EFCAB9: variants seen among roughly 807,000 people sequenced by gnomAD.
The protein encoded by EFCAB9 is EF-hand calcium binding domain 9.
EFCAB9 carries 16 observed loss-of-function variants against 15.6 expected under a neutral mutation model. The ratio of observed to expected loss-of-function variants is 1.03; its 90% confidence interval spans 0.69 to 1.56. The LOEUF (loss-of-function observed/expected upper bound fraction) is 1.56. Ranked by LOEUF, EFCAB9 falls within the 40% of genes most tolerant of loss-of-function variation. EFCAB9 has a pLI of 0.00. For synonymous variants in EFCAB9, 76 were observed against 85.4 expected (o/e 0.89, Z 0.61); for missense variants, 208 against 235.4 (o/e 0.88, Z 0.76).
chr5:172,199,460 G>C lies in EFCAB9; in HGVS notation c.214G>C (p.Asp72His), dbSNP rs1483713884. 5.9e-6 allele frequency: 9 copies of C among 1,537,306 alleles called. No individual in the cohort carries two copies. Among genetic ancestry groups the C allele is most frequent in the Non-Finnish European group, 7.8e-6 (9 of 1,146,924 alleles). Residue 72 changes from aspartate (D) to histidine (H), a missense_variant, in exon 2 of 4, where the codon GAC (aspartate) becomes CAC (histidine). Transcript: ENST00000398186. ...GATCAACATTGTGTTTGACATGCTGGACTGGAACGCTGTGGGCGAGATCGA... is the reference window on the plus strand; with the variant it reads ...GATCAACATTGTGTTTGACATGCTGCACTGGAACGCTGTGGGCGAGATCGA... ...AQINIVFDML[D>H]WNAVGEIDFE...
At chr5:172,195,830 C>G (rs58727917) in intron 1 of EFCAB9, among the ~76,000 whole-genome samples, 2 of 151,810 alleles carry the variant, frequency 1.3e-5, no homozygotes, top group African/African-American at 2.4e-5. Flanking sequence ...TTTATTGGGA[C>G]GGAGTCTCGC....
chr5:172,202,332 C>CAAAAA (rs10690291), intron 3 of EFCAB9, among the ~76,000 whole-genome samples: 4,789 of 72,826 alleles, frequency 0.066, 487 homozygotes, highest in East Asian at 0.18. Flanking sequence ...GACTTCATCT[C>CAAAAA]AAAAAAAAAA....
At position 172,200,672 on chromosome 5, in the gene EFCAB9, G is replaced by A. The variant is rs1447815356; in HGVS notation, c.392G>A (p.Arg131Lys). Residue 131 changes from arginine to lysine, a missense_variant, in exon 3 of 4, where the codon AGA becomes AAA. Physicochemically the swap from Arg to Lys is conservative, Grantham distance 26 (BLOSUM62 2). Transcript: ENST00000398186. ...RIGAKNFEMYRFLFNIQKQEL... is the reference protein window; with the variant it reads ...RIGAKNFEMYKFLFNIQKQEL... Reference sequence around the variant, plus strand: ...GGTGCAAAAAACTTCGAAATGTACAGATTTCTCTTCAATATTCAAAAACAG... The same window carrying A: ...GGTGCAAAAAACTTCGAAATGTACAAATTTCTCTTCAATATTCAAAAACAG... The A allele has an allele frequency of 3.9e-6, 6 of 1,537,324 alleles. No individual in the cohort carries two copies. In the East Asian group the frequency reaches 9.8e-5, roughly 25 times the overall value.
At chr5:172,195,349 T>C (rs928939328) in intron 1 of EFCAB9, among the ~76,000 whole-genome samples, 3 of 152,176 alleles carry the variant, frequency 2.0e-5, no homozygotes, top group African/African-American at 7.2e-5. Context: ...GAGAGAAATG[T>C]CATCCGTGAG....
At chr5:172,198,844 G>A (rs746540736) in intron 1 of EFCAB9, among the ~76,000 whole-genome samples, 5 of 152,322 alleles carry the variant, frequency 3.3e-5, no homozygotes, top group Admixed American at 6.5e-5. Flanking sequence ...TCAAACTCCT[G>A]ACCTCGTGAT....
intron 1 of EFCAB9, among the ~76,000 whole-genome samples, chr5:172,195,277 G>A (rs1263522464): frequency 6.6e-6 from 1 of 152,072 alleles, no homozygotes; most frequent in African/African-American, 2.4e-5. Context: ...AAACACTTGA[G>A]GTTATTTTTA....
intron 1 of EFCAB9, among the ~76,000 whole-genome samples, chr5:172,194,994 A>G (rs202189941): frequency 1.3e-5 from 2 of 152,140 alleles, no homozygotes; most frequent in East Asian, 1.9e-4. Context: ...TAAGGACTTA[A>G]TAAGTGTTTG....
intron 1 of EFCAB9, among the ~76,000 whole-genome samples, chr5:172,196,591 G>A (rs1771166842): frequency 6.6e-6 from 1 of 151,980 alleles, no homozygotes; most frequent in Admixed American, 6.6e-5. Context: ...GGTCAGGCTG[G>A]TCTTGAACTC....
intron 1 of EFCAB9, among the ~76,000 whole-genome samples, chr5:172,196,335 C>G (rs1168215687): frequency 6.6e-6 from 1 of 151,914 alleles, no homozygotes; most frequent in Non-Finnish European, 1.5e-5. Context: ...TAGCTGGCTT[C>G]AGCTGGGACT....
chr5:172,195,187 T>TAAATAA (rs1561841926), intron 1 of EFCAB9, among the ~76,000 whole-genome samples: 114 of 99,140 alleles, frequency 1.1e-3, no homozygotes, highest in African/African-American at 4.0e-3. Context: ...TAAATAAAAA[T>TAAATAA]AAATAAATAA....
chr5:172,195,466 T>C (rs1429676456), intron 1 of EFCAB9, among the ~76,000 whole-genome samples: 1 of 152,196 alleles, frequency 6.6e-6, no homozygotes, highest in Non-Finnish European at 1.5e-5. Context: ...GTACAGTGCA[T>C]TGCCAAATCT....
Position 172,203,269 on chromosome 5 carries a change from A to G in EFCAB9, c.518A>G (p.Gln173Arg). The G allele has an allele frequency of 6.5e-7, 1 of 1,536,872 alleles. No homozygotes were observed. The highest frequency in any genetic ancestry group is 8.7e-7 in the Non-Finnish European group (1 of 1,146,708). The change falls in exon 4 of 4, where the codon CAG becomes CGG. Residue 173 changes from glutamine to arginine, a missense_variant. Coordinates refer to ENST00000398186, the MANE Select transcript of EFCAB9 (RefSeq NM_001171183.2). ...LYTIIYTDKL[Q>R]KRQKTEEKEK... ...ACAATCATCTACACTGACAAATTAC[A>G]GAAGAGGCAGAAAACAGAGGAGAAA...
chr5:172,195,126 C>G (rs1219756583), intron 1 of EFCAB9, among the ~76,000 whole-genome samples: 2 of 150,882 alleles, frequency 1.3e-5, no homozygotes, highest in African/African-American at 4.9e-5. Context: ...AGGATCCCTT[C>G]TACTTATTGG....
intron 1 of EFCAB9, among the ~76,000 whole-genome samples, chr5:172,198,065 G>A (rs997782780): frequency 5.3e-5 from 8 of 152,154 alleles, no homozygotes; most frequent in African/African-American, 1.9e-4. Flanking sequence ...TAGACACAGA[G>A]TGCTGATTGT....
chr5:172,198,354 A>T lies in EFCAB9; in HGVS notation c.137-1029A>T, dbSNP rs556349516. Reference sequence around the variant, plus strand: ...GGAGACCCCATCTCTACAAAAAATTAAAAAATTACCTGGACATGGTGGCAT... The same window carrying T: ...GGAGACCCCATCTCTACAAAAAATTTAAAAATTACCTGGACATGGTGGCAT... On this transcript the variant is annotated intron_variant, in intron 1 of 3. Coordinates refer to ENST00000398186, the MANE Select transcript of EFCAB9 (RefSeq NM_001171183.2). Among the ~76,000 whole-genome samples, 12 of 152,234 alleles carry T rather than the reference A, an allele frequency of 7.9e-5. No homozygotes were observed. The South Asian group carries it at 2.3e-3, about 29-fold the overall frequency.
intron 2 of EFCAB9, among the ~76,000 whole-genome samples, chr5:172,199,970 T>C (rs559300213): frequency 6.8e-5 from 9 of 132,888 alleles, no homozygotes; most frequent in African/African-American, 2.3e-4. Flanking sequence ...TGAGTCTCAA[T>C]CTGTGGCCCA....
chr5:172,199,433 C>T lies in EFCAB9; in HGVS notation c.187C>T (p.Gln63Ter), dbSNP rs1219183632. ...TCATGTGACTGACTTGAAAAAGGCA[C>T]AGATCAACATTGTGTTTGACATGCT... ...LHHVTDLKKA[Q>*]INIVFDMLDW... The change falls in exon 2 of 4, where the codon CAG becomes TAG. Residue 63 changes from glutamine (Q) to a stop codon, truncating the protein, a stop_gained. Coordinates refer to ENST00000398186, the MANE Select transcript of EFCAB9 (RefSeq NM_001171183.2). LOFTEE classifies it high-confidence loss of function. 6.5e-7 allele frequency: 1 copy of T among 1,537,256 alleles called. No individual in the cohort carries two copies. The highest frequency in any genetic ancestry group is 1.2e-5 in the South Asian group (1 of 84,062).
rs1414527082 is a variant in EFCAB9, at chr5:172,199,412, G to A, written c.166G>A (p.Val56Met). ...DVLFYHFLHH[V>M]TDLKKAQINI... ...GCTGTTCTATCACTTCCTTCATCAT[G>A]TGACTGACTTGAAAAAGGCACAGAT... Residue 56 changes from valine to methionine, a missense_variant, in exon 2 of 4, where the codon GTG becomes ATG. By Grantham distance (21) the Val-to-Met change is conservative (BLOSUM62 1). Coordinates refer to ENST00000398186, the MANE Select transcript of EFCAB9 (RefSeq NM_001171183.2). 6.5e-7 allele frequency: 1 copy of A among 1,537,026 alleles called. No individual in the cohort carries two copies. The highest frequency in any genetic ancestry group is 8.7e-7 in the Non-Finnish European group (1 of 1,146,902).
At chr5:172,202,741 C>T (rs965858953) in intron 3 of EFCAB9, among the ~76,000 whole-genome samples, 5 of 151,646 alleles carry the variant, frequency 3.3e-5, no homozygotes, top group African/African-American at 1.2e-4. Flanking sequence ...GTGTCTCACG[C>T]CTGTAATCCC....
Sources: gnomAD v4.1 joint callset for allele counts (sites outside exome capture counted in the v4.1 genomes callset) on GRCh38, gnomAD v4.1.1 for gene constraint, MANE v1.5 for transcripts, NCBI Gene and HGNC (gene_info 2026-07-23, HGNC 2026-07-21) for gene names.